The following CHD2 variants were observed in gnomAD, a reference collection of about 807,000 sequenced individuals.
CHD2 encodes chromodomain helicase DNA binding protein 2, also known as ATP-dependent chromatin remodeler CHD2.
In CHD2, 28 loss-of-function variants were observed where a neutral mutation model predicts 243.9. That is an observed-to-expected ratio of 0.11 (90% CI 0.09 to 0.16). The LOEUF (loss-of-function observed/expected upper bound fraction) is 0.16. Among genes scored for constraint, CHD2 ranks in the 10% least tolerant of loss-of-function variants. CHD2 has a pLI of 1.00. For synonymous variants in CHD2, 775 were observed against 779.0 expected (o/e 0.99, Z 0.09); for missense variants, 1,386 against 2,209.8 (o/e 0.63, Z 7.47).
intron 2 of CHD2, among the ~76,000 whole-genome samples, chr15:92,907,082 T>G (rs1361797830): frequency 6.6e-6 from 1 of 152,234 alleles, no homozygotes; most frequent in Non-Finnish European, 1.5e-5. Flanking sequence ...ATTTGTCTTA[T>G]GACCCTTTTC....
At chr15:92,952,551 A>T (rs1190422857) in intron 13 of CHD2, among the ~76,000 whole-genome samples, 1 of 152,146 alleles carries the variant, frequency 6.6e-6, no homozygotes, top group Admixed American at 6.5e-5. Context: ...TCACATGTGT[A>T]GTTCATAGTG....
At chr15:92,965,923 A>T (rs936171907) in intron 16 of CHD2, among the ~76,000 whole-genome samples, 2 of 152,112 alleles carry the variant, frequency 1.3e-5, no homozygotes, top group Non-Finnish European at 2.9e-5. Context: ...GCTTATTGAA[A>T]TTGTCTCTCA....
intron 2 of CHD2, among the ~76,000 whole-genome samples, chr15:92,908,333 A>G (rs1244658369): frequency 6.6e-6 from 1 of 152,190 alleles, no homozygotes; most frequent in African/African-American, 2.4e-5. Context: ...CCATAGGACT[A>G]TATATTTGTC....
intron 16 of CHD2, among the ~76,000 whole-genome samples, chr15:92,957,475 A>T (rs544459910): frequency 6.6e-6 from 1 of 152,170 alleles, no homozygotes; most frequent in Non-Finnish European, 1.5e-5. Context: ...GTGTCTATAT[A>T]GCATCTCTTT....
In CHD2 at chr15:92,996,940, A is replaced by C; in HGVS notation, c.3596-17A>C. The C allele has an allele frequency of 6.3e-7, 1 of 1,595,724 alleles. No individual in the cohort carries two copies. The highest frequency in any genetic ancestry group is 8.5e-7 in the Non-Finnish European group (1 of 1,174,676). ...TGCAGATTTTCATTTAACTAATGTG[A>C]AACTGGTATTTTTCAGGAAAAGGAC... On this transcript the variant is annotated splice_polypyrimidine_tract_variant and intron_variant, in intron 28 of 38. Coordinates refer to ENST00000394196, the MANE Select transcript of CHD2 (RefSeq NM_001271.4).
intron 2 of CHD2, chr15:92,901,741 G>A (rs1272322624): frequency 1.0e-5 from 3 of 287,604 alleles, no homozygotes; most frequent in African/African-American, 2.2e-5. Context: ...AAGCCTTGTA[G>A]TAGTAAATTA....
intron 22 of CHD2, among the ~76,000 whole-genome samples, chr15:92,980,305 C>T (rs2053963214): frequency 6.6e-6 from 1 of 151,358 alleles, no homozygotes; most frequent in African/African-American, 2.4e-5. Context: ...AAGTGATAGG[C>T]CCACCTCAGC....
Position 92,933,447 on chromosome 15 carries a change from G to A in CHD2, c.444-4071G>A, listed in dbSNP as rs191968531. 2.0e-5 allele frequency among the ~76,000 whole-genome samples: 3 copies of A among 152,234 alleles called. No individual in the cohort carries two copies. In the East Asian group the frequency reaches 5.8e-4, roughly 29 times the overall value. ...GTGAGTATTTGAGATTGTAATCTCTGACTTAGAGTCATACAAACAAACAAA... is the reference window on the plus strand; with the variant it reads ...GTGAGTATTTGAGATTGTAATCTCTAACTTAGAGTCATACAAACAAACAAA... On this transcript the variant is annotated intron_variant, in intron 5 of 38. Coordinates refer to ENST00000394196, the MANE Select transcript of CHD2 (RefSeq NM_001271.4).
At position 92,939,638 on chromosome 15, in the gene CHD2, G is replaced by A. The variant is rs992732020; in HGVS notation, c.612G>A (p.Lys204=). Residue 204 remains lysine (K), a synonymous_variant, in exon 7 of 39, where the codon AAG becomes AAA. Transcript: ENST00000394196. ...QPKTQRGKRK[K]QDSSDEDDDD... Reference sequence around the variant, plus strand: ...AGACTCAGCGTGGAAAGAGAAAAAAGCAAGATTCTTCTGATGAGGATGATG... The same window carrying A: ...AGACTCAGCGTGGAAAGAGAAAAAAACAAGATTCTTCTGATGAGGATGATG... 1.2e-6 allele frequency: 2 copies of A among 1,614,006 alleles called. No individual in the cohort carries two copies. The highest frequency in any genetic ancestry group is 1.3e-5 in the African/African-American group (1 of 74,910).
At chr15:92,901,451 C>T in intron 2 of CHD2, 152 bp downstream of exon 2, 2 of 625,274 alleles carry the variant, frequency 3.2e-6, no homozygotes, top group Non-Finnish European at 5.8e-6. Context: ...CTTGAGATTG[C>T]TAATATGCCA....
intron 24 of CHD2, among the ~76,000 whole-genome samples, chr15:92,983,498 T>C (rs2054004918): frequency 6.6e-6 from 1 of 152,158 alleles, no homozygotes; most frequent in South Asian, 2.1e-4. Flanking sequence ...CTCCAGAAGC[T>C]CATTTATACC....
intron 22 of CHD2, 63 bp from the exon 23 acceptor site, chr15:92,980,751 AT>A: frequency 8.9e-7 from 1 of 1,129,330 alleles, no homozygotes; most frequent in Non-Finnish European, 1.3e-6. Context: ...AAGGATAGTT[AT>A]TCTGAAGTAG....
At chr15:92,984,273 T>G (rs1265087313) in intron 24 of CHD2, 57 bp from the exon 25 acceptor site, 8 of 1,345,320 alleles carry the variant, frequency 5.9e-6, no homozygotes, top group Admixed American at 2.9e-5. Context: ...ATAAATTGTT[T>G]TAGTAGATGG....
chr15:92,973,525 C>T (rs977488393), intron 19 of CHD2, among the ~76,000 whole-genome samples: 2 of 152,128 alleles, frequency 1.3e-5, no homozygotes, highest in Non-Finnish European at 2.9e-5. Context: ...TAAGAAGGCC[C>T]ACCTTTGAGA....
intron 7 of CHD2, among the ~76,000 whole-genome samples, chr15:92,941,181 C>A (rs35865218): frequency 0.56 from 84,071 of 150,202 alleles, 24,176 homozygotes; most frequent in East Asian, 0.86. Flanking sequence ...TATTTTTAAT[C>A]GATACGGTCA....
chr15:92,913,902 G>A (rs541608282), intron 2 of CHD2, among the ~76,000 whole-genome samples: 9 of 152,224 alleles, frequency 5.9e-5, no homozygotes, highest in African/African-American at 2.2e-4. Flanking sequence ...CTTGGTAAAT[G>A]TTGGTTGTTA....
intron 3 of CHD2, 49 bp downstream of exon 3, chr15:92,924,601 C>T: frequency 6.6e-7 from 1 of 1,505,330 alleles, no homozygotes; most frequent in Non-Finnish European, 9.2e-7. Context: ...CTAGGACAAG[C>T]TAGCAGACCT....
rs764609850 is a variant in CHD2 at position 92,980,798 on chromosome 15, A to T, written c.2877-17A>T. Reference sequence around the variant, plus strand: ...AGGTTATTTGATGTTTCTAACAACTACATTTTACTTCCACAGCTCAAATCC... The same window carrying T: ...AGGTTATTTGATGTTTCTAACAACTTCATTTTACTTCCACAGCTCAAATCC... On this transcript the variant is annotated splice_polypyrimidine_tract_variant and intron_variant, in intron 22 of 38. Transcript: ENST00000394196. 1 of 1,588,278 alleles carries T rather than the reference A, an allele frequency of 6.3e-7. No individual in the cohort carries two copies. Among genetic ancestry groups the T allele is most frequent in the East Asian group, 2.2e-5 (1 of 44,610 alleles).
At chr15:92,967,537 C>G (rs376909730) in intron 17 of CHD2, 24 bp downstream of exon 17, 4 of 1,600,012 alleles carry the variant, frequency 2.5e-6, no homozygotes, top group Non-Finnish European at 3.4e-6. Flanking sequence ...TGGGTTAGGC[C>G]TGAAGGGGTT....
Sources: gnomAD v4.1 joint callset for allele counts (sites outside exome capture counted in the v4.1 genomes callset) on GRCh38, gnomAD v4.1.1 for gene constraint, MANE v1.5 for transcripts, NCBI Gene and HGNC (gene_info 2026-07-23, HGNC 2026-07-21) for gene names.